The following SLC30A8 variants were observed in gnomAD, a reference collection of about 807,000 sequenced individuals.
The protein encoded by SLC30A8 is solute carrier family 30 member 8.
A neutral mutation model predicts 36.9 loss-of-function variants in SLC30A8; 27 were observed. The observed-to-expected ratio is 0.73, with a 90% CI of 0.54 to 1.01. The LOEUF (loss-of-function observed/expected upper bound fraction) is 1.01, where lower values mean the gene tolerates loss of function less well. SLC30A8 is among the 50% of genes least tolerant of loss of function. The pLI, the probability that SLC30A8 is intolerant of heterozygous loss-of-function variation, is 0.00. For missense variants in SLC30A8, 439 were observed against 452.0 expected, an observed-to-expected ratio of 0.97 and a Z score of 0.26; for synonymous variants, 164 against 172.4, an observed-to-expected ratio of 0.95 and a Z score of 0.38.
upstream of SLC30A8, among the ~76,000 whole-genome samples, chr8:117,132,210 TA>T (rs1448416929): frequency 6.6e-5 from 10 of 152,038 alleles, no homozygotes; most frequent in African/African-American, 2.4e-4. Flanking sequence ...ATAATGATGG[TA>T]GCTTTTTATA....
Position 117,002,499 on chromosome 8 carries a change from A to ATT in SLC30A8, c.-265-36713_-265-36712dup. ...CACCATAAAATACCTTTAAAAATACATTTTTTTTCAATTTGCCCTGAAAGT... is the reference window on the plus strand; with the variant it reads ...CACCATAAAATACCTTTAAAAATACATTTTTTTTTTCAATTTGCCCTGAAAGT... On this transcript the variant is annotated intron_variant, in intron 1 of 10. Transcript: ENST00000427715. Among the ~76,000 whole-genome samples the ATT allele has an allele frequency of 2.6e-5, 4 of 152,070 alleles. No homozygotes were observed. The South Asian group carries it at 8.3e-4, about 32-fold the overall frequency.
At chr8:117,075,409 A>G (rs967379537) in intron 2 of SLC30A8, among the ~76,000 whole-genome samples, 5 of 152,220 alleles carry the variant, frequency 3.3e-5, no homozygotes, top group Non-Finnish European at 7.3e-5. Flanking sequence ...TATGAAAATG[A>G]GCTTGTAAAT....
chr8:117,073,519 C>T (rs1818396323), intron 2 of SLC30A8, among the ~76,000 whole-genome samples: 1 of 152,152 alleles, frequency 6.6e-6, no homozygotes, highest in Non-Finnish European at 1.5e-5. Flanking sequence ...CTTGGCCTCC[C>T]AAAGTGCTGG....
intron 1 of SLC30A8, among the ~76,000 whole-genome samples, chr8:116,999,363 T>C (rs1242614733): frequency 1.3e-5 from 2 of 151,886 alleles, no homozygotes; most frequent in African/African-American, 4.8e-5. Flanking sequence ...AAGGCAACGA[T>C]AGAGGAAAGC....
At chr8:116,961,508 A>G (rs1331218824) in intron 1 of SLC30A8, among the ~76,000 whole-genome samples, 2 of 152,024 alleles carry the variant, frequency 1.3e-5, no homozygotes, top group African/African-American at 4.8e-5. Context: ...AAAGACATGA[A>G]TGAGATGGTT....
At chr8:117,029,158 C>T (rs1295193876) in intron 1 of SLC30A8, among the ~76,000 whole-genome samples, 1 of 152,118 alleles carries the variant, frequency 6.6e-6, no homozygotes, top group South Asian at 2.1e-4. Flanking sequence ...CTACTTTGAC[C>T]CTGCCAGGAT....
At chr8:117,166,517 C>T (rs112187926) in intron 6 of SLC30A8, among the ~76,000 whole-genome samples, 39 of 152,200 alleles carry the variant, frequency 2.6e-4, no homozygotes, top group African/African-American at 8.9e-4. Flanking sequence ...TATCTGAGCC[C>T]ACTCCCACAA....
At chr8:117,065,849 T>A (rs2130791607) in intron 2 of SLC30A8, among the ~76,000 whole-genome samples, 1 of 152,222 alleles carries the variant, frequency 6.6e-6, no homozygotes, top group South Asian at 2.1e-4. Context: ...CAGGATCAGA[T>A]GTAGAGTTTT....
At chr8:116,998,925 C>T (rs941512341) in intron 1 of SLC30A8, among the ~76,000 whole-genome samples, 2 of 152,172 alleles carry the variant, frequency 1.3e-5, no homozygotes, top group African/African-American at 4.8e-5. Flanking sequence ...TTTCTGTTGT[C>T]TTAAGCCACG....
intron 1 of SLC30A8, among the ~76,000 whole-genome samples, chr8:116,968,235 T>C (rs570721273): frequency 1.3e-5 from 2 of 152,070 alleles, no homozygotes; most frequent in South Asian, 4.1e-4. Flanking sequence ...CCAGATTTTA[T>C]TAGATTTATT....
At chr8:117,083,349 A>G (rs1035117304) in intron 2 of SLC30A8, among the ~76,000 whole-genome samples, 1 of 152,106 alleles carries the variant, frequency 6.6e-6, no homozygotes, top group Non-Finnish European at 1.5e-5. Flanking sequence ...AGTAGAGGAG[A>G]GCCACTTTAC....
chr8:117,016,286 A>G (rs1042088024), intron 1 of SLC30A8, among the ~76,000 whole-genome samples: 1 of 152,224 alleles, frequency 6.6e-6, no homozygotes, highest in Non-Finnish European at 1.5e-5. Flanking sequence ...ATGGACACCA[A>G]TGGATAATAG....
intron 2 of SLC30A8, among the ~76,000 whole-genome samples, chr8:117,053,695 A>G (rs1817781896): frequency 6.6e-6 from 1 of 152,188 alleles, no homozygotes; most frequent in East Asian, 1.9e-4. Context: ...TCTCTCTACC[A>G]CAACCCACAC....
intron 1 of SLC30A8, among the ~76,000 whole-genome samples, chr8:116,987,454 G>T (rs572645366): frequency 6.6e-6 from 1 of 151,966 alleles, no homozygotes; most frequent in Non-Finnish European, 1.5e-5. Flanking sequence ...AAATGCACAC[G>T]TAAAAATAAA....
Position 117,172,799 on chromosome 8 carries a change from G to A in SLC30A8, c.*118G>A. On this transcript the variant is annotated 3_prime_UTR_variant, in exon 8 of 8. Transcript: ENST00000456015. ...GAAGAAATTCATGTCATGGTGCAATGCACATTTTATCTATTTATTTAGTTC... is the reference window on the plus strand; with the variant it reads ...GAAGAAATTCATGTCATGGTGCAATACACATTTTATCTATTTATTTAGTTC... The A allele has an allele frequency of 2.5e-6, 3 of 1,207,722 alleles. No homozygotes were observed. Among genetic ancestry groups the A allele is most frequent in the Middle Eastern group, 4.0e-4 (2 of 5,026 alleles). 74.8% of individuals were successfully genotyped at this position (1,207,722 alleles called of 1,614,324 possible).
intron 2 of SLC30A8, among the ~76,000 whole-genome samples, chr8:117,121,007 T>C (rs1222056453): frequency 1.3e-5 from 2 of 151,616 alleles, no homozygotes. Flanking sequence ...GTCTCTGAGG[T>C]TGTGGAGAAA....
At chr8:116,961,384 G>A (rs1263125106) in intron 1 of SLC30A8, among the ~76,000 whole-genome samples, 2 of 152,100 alleles carry the variant, frequency 1.3e-5, no homozygotes, top group East Asian at 1.9e-4. Flanking sequence ...AGCCGAGATC[G>A]CGCCACTGCA....
At chr8:116,965,432 G>A (rs1249897407) in intron 1 of SLC30A8, among the ~76,000 whole-genome samples, 2 of 152,158 alleles carry the variant, frequency 1.3e-5, no homozygotes, top group Non-Finnish European at 2.9e-5. Flanking sequence ...TAAAAAATAT[G>A]TTCCTCCAAG....
At chr8:117,172,443 C>G in intron 7 of SLC30A8, 93 bp from the exon 8 acceptor site, 2 of 1,552,444 alleles carry the variant, frequency 1.3e-6, no homozygotes, top group Non-Finnish European at 1.8e-6. Context: ...CCCACCCCAG[C>G]AGGTCAAAGA....
Sources: gnomAD v4.1 joint callset for allele counts (sites outside exome capture counted in the v4.1 genomes callset) on GRCh38, gnomAD v4.1.1 for gene constraint, MANE v1.5 for transcripts, NCBI Gene and HGNC (gene_info 2026-07-23, HGNC 2026-07-21) for gene names.